GRIA4: variants seen among roughly 807,000 people sequenced by gnomAD.
The protein encoded by GRIA4 is glutamate ionotropic receptor AMPA type subunit 4.
GRIA4 carries 34 observed loss-of-function variants against 104.0 expected under a neutral mutation model. The ratio of observed to expected loss-of-function variants is 0.33; its 90% CI spans 0.25 to 0.44. GRIA4 has a LOEUF of 0.44. Among genes scored for constraint, GRIA4 ranks in the 20% least tolerant of loss-of-function variants. The pLI, the probability that GRIA4 is intolerant of heterozygous loss-of-function variation, is 1.00. For synonymous variants in GRIA4, 386 were observed against 381.9 expected (o/e 1.01, Z -0.13); for missense variants, 750 against 1,096.5 (o/e 0.68, Z 4.46).
intron 13 of GRIA4, 61 bp from the exon 14 acceptor site, chr11:105,933,661 G>C: frequency 7.9e-7 from 1 of 1,259,324 alleles, no homozygotes; most frequent in Non-Finnish European, 1.1e-6. Flanking sequence ...TCTTGGTTCA[G>C]CGAATATTAA....
chr11:105,894,791 A>ATTTTTTTTTTTTTTTTT (rs569292239), intron 6 of GRIA4, among the ~76,000 whole-genome samples: 1 of 126,386 alleles, frequency 7.9e-6, no homozygotes, highest in African/African-American at 3.2e-5. Flanking sequence ...ATTGCTACAT[A>ATTTTTTTTTTTTTTTTT]TTTTTTTTTT....
In GRIA4 at chr11:105,612,289, C is replaced by T; in HGVS notation, c.102C>T (p.Ile34=). The change falls in exon 3 of 17, where the codon ATC becomes ATT. Residue 34 remains isoleucine (I), a synonymous_variant. Coordinates refer to ENST00000282499, the MANE Select transcript of GRIA4 (RefSeq NM_000829.4). The part of the protein sequence containing the change: ...PSSVQIGGLF[I]RNTDQEYTAF... ...TGTTTTTAATAGGTGGTCTCTTCAT[C>T]CGAAACACAGATCAGGAATACACTG... is the stretch of plus-strand genomic sequence containing the variant. The T allele has an allele frequency of 6.2e-7, 1 of 1,614,058 alleles. No individual in the cohort carries two copies. The highest frequency in any genetic ancestry group is 8.5e-7 in the Non-Finnish European group (1 of 1,179,946).
rs1946953972 is a variant in GRIA4, at chr11:105,903,954, A to T, written c.1026A>T (p.Gly342=). The part of the protein sequence containing the change: ...LANPAAPWGQ[G]IDMERTLKQV... ...ATCCTGCTGCTCCATGGGGCCAGGG[A>T]ATTGACATGGAGAGGACACTCAAAC... The change falls in exon 8 of 17, where the codon GGA becomes GGT. Residue 342 remains glycine, a synonymous_variant. Transcript: ENST00000282499. The T allele has an allele frequency of 6.2e-7, 1 of 1,612,592 alleles. No individual in the cohort carries two copies. The highest frequency in any genetic ancestry group is 8.5e-7 in the Non-Finnish European group (1 of 1,179,012).
At chr11:105,829,241 G>A in intron 4 of GRIA4, among the ~76,000 whole-genome samples, 1 of 151,944 alleles carries the variant, frequency 6.6e-6, no homozygotes. Flanking sequence ...TTGAACTGAG[G>A]ATATGTCTAA....
chr11:105,694,504 C>T (rs117704546), intron 3 of GRIA4, among the ~76,000 whole-genome samples: 5,123 of 151,940 alleles, frequency 0.034, 92 homozygotes, highest in Middle Eastern at 0.071. Context: ...TTTCAACCTA[C>T]GATATTATCA....
chr11:105,652,243 G>T (rs375223818), intron 3 of GRIA4, among the ~76,000 whole-genome samples: 1 of 152,116 alleles, frequency 6.6e-6, no homozygotes, highest in Non-Finnish European at 1.5e-5. Flanking sequence ...CTAAGTTGAA[G>T]CAGAGAAGAA....
rs1463369395 is a variant in GRIA4 at position 105,866,914 on chromosome 11, T to G, written c.672+4706T>G. Among the ~76,000 whole-genome samples the G allele has an allele frequency of 3.9e-5, 6 of 152,162 alleles. No homozygotes were observed. In the East Asian group the frequency reaches 9.7e-4, roughly 24 times the overall value. ...CCAAGTATTTATCAGGAAAAGATAG[T>G]AAGGACTGACCTTAGAGTATGAAGT... On this transcript the variant is annotated intron_variant, in intron 5 of 16. Transcript: ENST00000282499.
intron 3 of GRIA4, among the ~76,000 whole-genome samples, chr11:105,733,100 T>C (rs1006450557): frequency 1.3e-5 from 2 of 152,188 alleles, no homozygotes; most frequent in African/African-American, 4.8e-5. Flanking sequence ...CAAACTCTCT[T>C]TGTCAGATAT....
At chr11:105,779,572 C>T (rs1022503455) in intron 4 of GRIA4, among the ~76,000 whole-genome samples, 1 of 151,756 alleles carries the variant, frequency 6.6e-6, no homozygotes, top group Admixed American at 6.6e-5. Flanking sequence ...CAGCATGGCA[C>T]ATGTATACAT....
chr11:105,902,675 C>A (rs1946901328), intron 7 of GRIA4, among the ~76,000 whole-genome samples: 1 of 152,134 alleles, frequency 6.6e-6, no homozygotes, highest in Non-Finnish European at 1.5e-5. Flanking sequence ...AATGATTTTT[C>A]TTCATTTGAA....
chr11:105,773,567 A>G (rs924506981), intron 4 of GRIA4, among the ~76,000 whole-genome samples: 1 of 152,114 alleles, frequency 6.6e-6, no homozygotes, highest in East Asian at 1.9e-4. Context: ...GGCTCTACGC[A>G]TCTCTGTTCT....
chr11:105,816,714 T>C (rs1269885326), intron 4 of GRIA4, among the ~76,000 whole-genome samples: 1 of 152,088 alleles, frequency 6.6e-6, no homozygotes, highest in Non-Finnish European at 1.5e-5. Context: ...AGTATAGTGG[T>C]TAAAAGCTCA....
At chr11:105,807,892 C>T (rs950909288) in intron 4 of GRIA4, among the ~76,000 whole-genome samples, 2 of 151,806 alleles carry the variant, frequency 1.3e-5, no homozygotes, top group African/African-American at 4.8e-5. Context: ...CTCATAGTTA[C>T]CTTCTGTTTA....
At chr11:105,935,856 G>A (rs1948019824) in intron 14 of GRIA4, among the ~76,000 whole-genome samples, 1 of 152,118 alleles carries the variant, frequency 6.6e-6, no homozygotes, top group Non-Finnish European at 1.5e-5. Context: ...TTGGGGAAAA[G>A]CTGAAGGGCT....
intron 3 of GRIA4, among the ~76,000 whole-genome samples, chr11:105,671,474 C>T (rs532788461): frequency 3.8e-4 from 57 of 151,202 alleles, no homozygotes; most frequent in Non-Finnish European, 7.2e-4. Flanking sequence ...GTCAGGAGTT[C>T]GAGACTAGCC....
intron 5 of GRIA4, among the ~76,000 whole-genome samples, chr11:105,874,190 T>C (rs1183643547): frequency 6.6e-6 from 1 of 152,186 alleles, no homozygotes; most frequent in African/African-American, 2.4e-5. Flanking sequence ...TCCCCATTGC[T>C]TGTTTTTGTA....
At chr11:105,708,092 T>C (rs1204825031) in intron 3 of GRIA4, among the ~76,000 whole-genome samples, 1 of 152,284 alleles carries the variant, frequency 6.6e-6, no homozygotes, top group East Asian at 1.9e-4. Flanking sequence ...GTTACCAGTT[T>C]CAGTGGATAA....
chr11:105,885,868 A>G (rs977963998), intron 5 of GRIA4, among the ~76,000 whole-genome samples: 10 of 152,254 alleles, frequency 6.6e-5, no homozygotes, highest in African/African-American at 2.4e-4. Flanking sequence ...TGATACCAAT[A>G]TTGCAGTATC....
chr11:105,931,628 C>G (rs1947878411), intron 13 of GRIA4, among the ~76,000 whole-genome samples: 1 of 151,984 alleles, frequency 6.6e-6, no homozygotes, highest in Non-Finnish European at 1.5e-5. Flanking sequence ...TTGCTTGAAC[C>G]TGGGAGGCAG....
Sources: gnomAD v4.1 joint callset for allele counts (sites outside exome capture counted in the v4.1 genomes callset) on GRCh38, gnomAD v4.1.1 for gene constraint, MANE v1.5 for transcripts, NCBI Gene and HGNC (gene_info 2026-07-23, HGNC 2026-07-21) for gene names.